Variants in TCF12 observed in about 807,000 individuals in gnomAD.
TCF12 encodes the protein DNA-binding protein HTF4.
TCF12 carries 45 observed loss-of-function variants against 86.0 expected under a neutral mutation model. The ratio of observed to expected loss-of-function variants is 0.52; its 90% CI spans 0.41 to 0.67. The LOEUF (loss-of-function observed/expected upper bound fraction) is 0.67. Among genes scored for constraint, TCF12 ranks in the 30% least tolerant of loss-of-function variants. TCF12 has a pLI of 0.00. For synonymous variants in TCF12, 330 were observed against 299.6 expected (o/e 1.10, Z -1.05); for missense variants, 881 against 859.9 (o/e 1.02, Z -0.31).
chr15:57,096,399 GAA>G (rs1226920021), intron 5 of TCF12, among the ~76,000 whole-genome samples: 1 of 145,828 alleles, frequency 6.9e-6, no homozygotes. Flanking sequence ...TTATTTAAAG[GAA>G]AAAAAAAAGA....
intron 1 of TCF12, 161 bp from the exon 2 acceptor site, chr15:56,919,731 T>A: frequency 1.7e-6 from 1 of 584,468 alleles, no homozygotes; most frequent in Non-Finnish European, 2.9e-6. Context: ...CACTGAGCCC[T>A]CCCGCCCCTT....
chr15:57,237,326 T>C (rs535858636), intron 12 of TCF12, among the ~76,000 whole-genome samples: 49 of 152,300 alleles, frequency 3.2e-4, no homozygotes, highest in African/African-American at 1.1e-3. Flanking sequence ...TTAACTGAAA[T>C]GTGCACTGTA....
In TCF12 at chr15:57,289,068, CTT is replaced by C. The variant is rs35637880; in HGVS notation, c.*2931_*2932del. On this transcript the variant is annotated 3_prime_UTR_variant, in exon 21 of 21. Transcript: ENST00000333725. Reference sequence around the variant, plus strand: ...AAGAACCTCAAACAAACTAGACAAACTTTTTTTTTGACAGTGAATGACTTTTT... The same window carrying C: ...AAGAACCTCAAACAAACTAGACAAACTTTTTTTGACAGTGAATGACTTTTT... 1 of 151,508 alleles carries C rather than the reference CTT, an allele frequency of 6.6e-6. No homozygotes were observed. Among genetic ancestry groups the C allele is most frequent in the Admixed American group, 6.6e-5 (1 of 15,218 alleles). 9.4% of individuals were successfully genotyped at this position (151,508 alleles called of 1,614,324 possible). A position where few individuals can be genotyped will look rare whatever the true frequency, so the allele number is the denominator to read the frequency against.
At chr15:56,987,074 C>A (rs2140933687) in intron 3 of TCF12, among the ~76,000 whole-genome samples, 1 of 151,240 alleles carries the variant, frequency 6.6e-6, no homozygotes, top group Non-Finnish European at 1.5e-5. Context: ...TTGCAACATG[C>A]AGTAATGCAA....
chr15:57,239,813 G>A (rs1305984973), intron 12 of TCF12, among the ~76,000 whole-genome samples: 2 of 152,232 alleles, frequency 1.3e-5, no homozygotes, highest in Middle Eastern at 3.4e-3. Context: ...GTAGAGATGG[G>A]AAGGATGGGA....
intron 18 of TCF12, among the ~76,000 whole-genome samples, chr15:57,271,373 G>A (rs138710443): frequency 1.2e-4 from 18 of 152,344 alleles, no homozygotes; most frequent in East Asian, 3.9e-4. Flanking sequence ...GCAAGGCTCC[G>A]TGGGCCTGGG....
At chr15:57,006,590 C>T (rs1192932623) in intron 3 of TCF12, among the ~76,000 whole-genome samples, 1 of 151,522 alleles carries the variant, frequency 6.6e-6, no homozygotes, top group South Asian at 2.1e-4. Context: ...GTCAGGAGTT[C>T]GAGATAGCTA....
At chr15:57,200,828 A>G (rs2057506992) in intron 8 of TCF12, among the ~76,000 whole-genome samples, 1 of 152,136 alleles carries the variant, frequency 6.6e-6, no homozygotes, top group Non-Finnish European at 1.5e-5. Flanking sequence ...TTGTGGATGA[A>G]GGTCTAACTA....
At chr15:57,047,665 A>G (rs1438275288) in intron 3 of TCF12, among the ~76,000 whole-genome samples, 1 of 152,232 alleles carries the variant, frequency 6.6e-6, no homozygotes, top group African/African-American at 2.4e-5. Flanking sequence ...TGAAAATTTT[A>G]TAAAGAAAAT....
At chr15:57,258,839 TTAAG>T (rs1469458496) in intron 16 of TCF12, among the ~76,000 whole-genome samples, 3 of 152,180 alleles carry the variant, frequency 2.0e-5, no homozygotes, top group Non-Finnish European at 2.9e-5. Flanking sequence ...ACAGGAGACT[TTAAG>T]TAAAGACTGA....
intron 16 of TCF12, among the ~76,000 whole-genome samples, chr15:57,256,886 C>G (rs2060371590): frequency 6.6e-6 from 1 of 152,150 alleles, no homozygotes; most frequent in South Asian, 2.1e-4. Flanking sequence ...GAACTTTATC[C>G]TAATGGGCAG....
At chr15:57,254,215 C>T (rs529054096) in intron 16 of TCF12, among the ~76,000 whole-genome samples, 1 of 152,286 alleles carries the variant, frequency 6.6e-6, no homozygotes, top group African/African-American at 2.4e-5. Context: ...TTCTACGAAG[C>T]AGATTTTTAG....
At chr15:57,075,808 C>CTTTCTTTCTT (rs1567370724) in intron 4 of TCF12, among the ~76,000 whole-genome samples, 9 of 29,596 alleles carry the variant, frequency 3.0e-4, no homozygotes, top group South Asian at 3.0e-3. Context: ...CTTTCTTTCT[C>CTTTCTTTCTT]TCTCTCTCTC....
chr15:57,175,814 A>G (rs576486215), intron 6 of TCF12, among the ~76,000 whole-genome samples: 157 of 152,354 alleles, frequency 1.0e-3, no homozygotes, highest in African/African-American at 3.5e-3. Context: ...CGACTTTTCT[A>G]TAACTTTGAA....
intron 3 of TCF12, among the ~76,000 whole-genome samples, chr15:57,017,935 T>A (rs1274442081): frequency 6.6e-6 from 1 of 152,152 alleles, no homozygotes; most frequent in Non-Finnish European, 1.5e-5. Flanking sequence ...GACACCAGAT[T>A]ATTTTGGTAA....
In TCF12 at chr15:57,166,336, C is replaced by G. The variant is rs1228840110; in HGVS notation, c.326-66C>G. ...CTGCAATATAATTACCATGAATAGT[C>G]TAGCAGTTTGATTGTCTGTCAATAA... On this transcript the variant is annotated intron_variant, in intron 5 of 20. Coordinates refer to ENST00000333725, the MANE Select transcript of TCF12 (RefSeq NM_207037.2). 5.4e-6 allele frequency: 7 copies of G among 1,296,974 alleles called. No homozygotes were observed. The Admixed American group carries it at 5.7e-5, about 10-fold the overall frequency. 80.3% of individuals were successfully genotyped at this position (1,296,974 alleles called of 1,614,324 possible).
intron 6 of TCF12, among the ~76,000 whole-genome samples, 184 bp from the exon 7 acceptor site, chr15:57,191,974 A>AG (rs2057002861): frequency 6.6e-6 from 1 of 152,062 alleles, no homozygotes; most frequent in Admixed American, 6.6e-5. Context: ...GTGAGGGTGG[A>AG]GAAAAAAAGA....
chr15:57,049,361 A>G (rs1266561698), intron 3 of TCF12, among the ~76,000 whole-genome samples: 2 of 152,182 alleles, frequency 1.3e-5, no homozygotes, highest in African/African-American at 2.4e-5. Flanking sequence ...AAGATGTCTC[A>G]TGTCTGCTTC....
chr15:57,085,554 A>T (rs181088712), intron 4 of TCF12, among the ~76,000 whole-genome samples: 1 of 152,204 alleles, frequency 6.6e-6, no homozygotes, highest in African/African-American at 2.4e-5. Context: ...GATCAAGTCA[A>T]CCCACTTGAC....
Sources: gnomAD v4.1 joint callset for allele counts (sites outside exome capture counted in the v4.1 genomes callset) on GRCh38, gnomAD v4.1.1 for gene constraint, MANE v1.5 for transcripts, NCBI Gene and HGNC (gene_info 2026-07-23, HGNC 2026-07-21) for gene names.